DYSF: variants seen among roughly 807,000 people sequenced by gnomAD.
DYSF encodes the protein dystrophy-associated fer-1-like 1.
Under a neutral mutation model 274.9 loss-of-function variants are expected in DYSF, and 212 were observed. That is an observed-to-expected ratio of 0.77 (90% CI 0.69 to 0.86). The LOEUF is 0.86. Ranked by LOEUF, DYSF falls within the 40% of genes least tolerant of loss-of-function variation. DYSF has a pLI of 0.00. For synonymous variants in DYSF, 1,091 were observed against 1,078.7 expected (o/e 1.01, Z -0.22); for missense variants, 2,666 against 2,783.2 (o/e 0.96, Z 0.95).
At chr2:71,487,572 G>A (rs1292966968) in intron 3 of DYSF, among the ~76,000 whole-genome samples, 1 of 152,168 alleles carries the variant, frequency 6.6e-6, no homozygotes, top group Non-Finnish European at 1.5e-5. Flanking sequence ...GCAGTGGCAT[G>A]ATCTCGGCTC....
intron 3 of DYSF, among the ~76,000 whole-genome samples, chr2:71,483,850 C>T (rs571088786): frequency 1.3e-5 from 2 of 151,976 alleles, no homozygotes; most frequent in African/African-American, 4.8e-5. Context: ...ATGTGCCTCT[C>T]GGAGGCTCCT....
intron 1 of DYSF, among the ~76,000 whole-genome samples, chr2:71,476,180 C>CT (rs1312051675): frequency 6.6e-6 from 1 of 152,102 alleles, no homozygotes; most frequent in African/African-American, 2.4e-5. Context: ...GGCTATCTGC[C>CT]TTTTTTACTG....
intron 52 of DYSF, among the ~76,000 whole-genome samples, chr2:71,675,868 CATATATA>C (rs2095213316): frequency 6.6e-6 from 1 of 151,890 alleles, no homozygotes; most frequent in African/African-American, 2.4e-5. Flanking sequence ...TACATGCATA[CATATATA>C]ATATATACAT....
chr2:71,575,508 A>T (rs1019776508), intron 30 of DYSF, among the ~76,000 whole-genome samples: 1 of 151,930 alleles, frequency 6.6e-6, no homozygotes, highest in Non-Finnish European at 1.5e-5. Flanking sequence ...GCAGGATAGG[A>T]TGGAATTGCT....
chr2:71,560,460 G>GGAGC (rs2091663082), intron 22 of DYSF, among the ~76,000 whole-genome samples: 1 of 45,794 alleles, frequency 2.2e-5, no homozygotes, highest in Non-Finnish European at 4.8e-5. Context: ...CCACCACCGA[G>GGAGC]GAGCGGCCTG....
chr2:71,585,920 T>C (rs1426822887), intron 30 of DYSF, among the ~76,000 whole-genome samples: 1 of 151,880 alleles, frequency 6.6e-6, no homozygotes, highest in African/African-American at 2.4e-5. Context: ...ACCTTGATGA[T>C]AAGACTGCAC....
intron 3 of DYSF, among the ~76,000 whole-genome samples, chr2:71,486,910 C>T (rs762006356): frequency 1.6e-4 from 24 of 152,172 alleles, no homozygotes; most frequent in Non-Finnish European, 3.1e-4. Context: ...GATCCAGGTC[C>T]CTGACCAGCT....
chr2:71,556,793 G>A (rs1226303913), intron 22 of DYSF, among the ~76,000 whole-genome samples: 2 of 152,182 alleles, frequency 1.3e-5, no homozygotes, highest in Admixed American at 6.5e-5. Context: ...TTTCTCAGCT[G>A]TTAAATGGAC....
At chr2:71,533,954 T>C (rs368366493) in intron 14 of DYSF, among the ~76,000 whole-genome samples, 134 of 152,342 alleles carry the variant, frequency 8.8e-4, no homozygotes, top group African/African-American at 2.9e-3. Context: ...GATTGGATCG[T>C]TGGTCTCTCT....
chr2:71,657,886 T>C (rs904574740), intron 43 of DYSF, among the ~76,000 whole-genome samples: 1 of 152,198 alleles, frequency 6.6e-6, no homozygotes, highest in Non-Finnish European at 1.5e-5. Flanking sequence ...ATCTCTGATA[T>C]GGCCTGGAGA....
At chr2:71,597,942 G>A (rs892646350) in intron 32 of DYSF, among the ~76,000 whole-genome samples, 8 of 152,146 alleles carry the variant, frequency 5.3e-5, no homozygotes, top group Non-Finnish European at 1.2e-4. Flanking sequence ...GCCAGAGTGA[G>A]CTTGCTGAAA....
intron 45 of DYSF, among the ~76,000 whole-genome samples, chr2:71,661,302 T>C (rs2094877468): frequency 6.6e-6 from 1 of 152,048 alleles, no homozygotes; most frequent in Non-Finnish European, 1.5e-5. Flanking sequence ...GGTAACCCCT[T>C]ACTCAATTTC....
intron 1 of DYSF, among the ~76,000 whole-genome samples, chr2:71,470,138 C>T (rs2152652381): frequency 6.6e-6 from 1 of 152,300 alleles, no homozygotes; most frequent in Non-Finnish European, 1.5e-5. Context: ...ATTACTGACA[C>T]TTCCCTCTCT....
chr2:71,462,031 C>T (rs896150670), upstream of DYSF, among the ~76,000 whole-genome samples: 14 of 152,174 alleles, frequency 9.2e-5, no homozygotes, highest in Non-Finnish European at 1.3e-4. Flanking sequence ...GTTGCTTTTT[C>T]CAGCTGGAAA....
chr2:71,485,171 A>G lies in DYSF; in HGVS notation c.239+3201A>G, dbSNP rs950903901. On this transcript the variant is annotated intron_variant, in intron 3 of 55. Transcript: ENST00000410020. Reference sequence around the variant, plus strand: ...TAGCAATTAAAACTTGTCTTAATTAAACTAGATTGAAATGTGCACGTACAT... The same window carrying G: ...TAGCAATTAAAACTTGTCTTAATTAGACTAGATTGAAATGTGCACGTACAT... 3.9e-5 allele frequency among the ~76,000 whole-genome samples: 6 copies of G among 152,378 alleles called. 1 individual carries two copies. The East Asian group carries it at 7.7e-4, about 20-fold the overall frequency.
intron 2 of DYSF, 130 bp downstream of exon 2, chr2:71,481,068 G>T: frequency 1.1e-6 from 1 of 913,044 alleles, no homozygotes; most frequent in Non-Finnish European, 1.8e-6. Context: ...TGGTGGTCCA[G>T]CCTGCCAACG....
chr2:71,580,455 A>T (rs751289785), intron 30 of DYSF, among the ~76,000 whole-genome samples: 1 of 152,160 alleles, frequency 6.6e-6, no homozygotes, highest in East Asian at 1.9e-4. Context: ...AGGAGGTCAG[A>T]TGTGGATGGG....
At chr2:71,639,937 C>G (rs756216881) in intron 41 of DYSF, among the ~76,000 whole-genome samples, 4 of 152,332 alleles carry the variant, frequency 2.6e-5, no homozygotes, top group South Asian at 4.1e-4. Flanking sequence ...TAAACACTTA[C>G]GTTGCATTTA....
At chr2:71,520,042 G>A in intron 10 of DYSF, 136 bp from the exon 11 acceptor site, 2 of 922,530 alleles carry the variant, frequency 2.2e-6, no homozygotes, top group Non-Finnish European at 1.8e-6. Context: ...TTTTCATGTA[G>A]TATCAAATGT....
Sources: gnomAD v4.1 joint callset for allele counts (sites outside exome capture counted in the v4.1 genomes callset) on GRCh38, gnomAD v4.1.1 for gene constraint, MANE v1.5 for transcripts, NCBI Gene and HGNC (gene_info 2026-07-23, HGNC 2026-07-21) for gene names.